The following SLCO6A1 variants were observed in gnomAD, a reference collection of about 807,000 sequenced individuals.
The protein encoded by SLCO6A1 is solute carrier organic anion transporter family member 6A1, also known as cancer/testis antigen 48.
SLCO6A1 carries 65 observed loss-of-function variants against 72.7 expected under a neutral mutation model. The observed-to-expected ratio is 0.89, with a 90% confidence interval of 0.73 to 1.10. SLCO6A1 has a LOEUF of 1.10. Ranked by LOEUF, SLCO6A1 falls within the 50% of genes least tolerant of loss-of-function variation. The pLI is 0.00. For missense variants in SLCO6A1, 874 were observed against 872.6 expected (o/e 1.00, Z -0.02); for synonymous variants, 314 against 298.2 (o/e 1.05, Z -0.55).
At chr5:102,383,104 A>ATATATATATATATATATATAGTGTTT (rs1746216203) in intron 12 of SLCO6A1, among the ~76,000 whole-genome samples, 1 of 141,116 alleles carries the variant, frequency 7.1e-6, no homozygotes, top group African/African-American at 2.9e-5. Flanking sequence ...GAATATATAT[A>ATATATATATATATATATATAGTGTTT]TATATAGTGT....
intron 6 of SLCO6A1, among the ~76,000 whole-genome samples, chr5:102,441,644 A>G (rs1478156175): frequency 2.0e-5 from 3 of 152,218 alleles, no homozygotes; most frequent in Admixed American, 6.5e-5. Context: ...TTAAGAAAAA[A>G]CTAACATACA....
intron 4 of SLCO6A1, among the ~76,000 whole-genome samples, chr5:102,469,053 C>G (rs374839391): frequency 3.3e-5 from 5 of 151,740 alleles, no homozygotes; most frequent in Non-Finnish European, 7.4e-5. Context: ...TGCTGTTTTG[C>G]TTACTGTAGC....
In SLCO6A1 at chr5:102,458,507, TA is replaced by T. The variant is rs746868125; in HGVS notation, c.1022-17del. ...CGTGTTGAACCTATATATAAACAAG[TA>T]AAAAAACTTATGACATATTCAAATA... On this transcript the variant is annotated splice_polypyrimidine_tract_variant and intron_variant, in intron 5 of 13. Transcript: ENST00000506729. 1.9e-6 allele frequency: 3 copies of T among 1,564,862 alleles called. No individual in the cohort carries two copies. Among genetic ancestry groups the T allele is most frequent in the South Asian group, 2.3e-5 (2 of 87,030 alleles).
intron 7 of SLCO6A1, among the ~76,000 whole-genome samples, chr5:102,420,389 C>T (rs1748528914): frequency 6.6e-6 from 1 of 152,104 alleles, no homozygotes; most frequent in African/African-American, 2.4e-5. Context: ...TCACAAGAGA[C>T]AGGATTATAC....
intron 4 of SLCO6A1, among the ~76,000 whole-genome samples, chr5:102,467,305 G>A (rs898535538): frequency 6.6e-6 from 1 of 151,984 alleles, no homozygotes; most frequent in African/African-American, 2.4e-5. Flanking sequence ...TGTAGTCCTA[G>A]CTACTCCAGA....
intron 12 of SLCO6A1, among the ~76,000 whole-genome samples, chr5:102,379,773 CAA>C (rs10672287): frequency 0.038 from 5,428 of 141,010 alleles, 134 homozygotes; most frequent in East Asian, 0.089. Context: ...TTGTCAATTT[CAA>C]AAAAAAAAAA....
chr5:102,373,681 TAA>T (rs1451732800), intron 12 of SLCO6A1, among the ~76,000 whole-genome samples, 187 bp from the exon 13 acceptor site: 28 of 92,006 alleles, frequency 3.0e-4, no homozygotes. Context: ...TAAATGTTTA[TAA>T]TATGTTTTAG....
intron 11 of SLCO6A1, among the ~76,000 whole-genome samples, chr5:102,389,661 C>A (rs977243274): frequency 2.0e-5 from 3 of 151,882 alleles, no homozygotes; most frequent in Non-Finnish European, 4.4e-5. Context: ...AAACAATTGA[C>A]TACTATTCAT....
At chr5:102,388,063 A>C (rs1354960774) in intron 12 of SLCO6A1, among the ~76,000 whole-genome samples, 1 of 151,582 alleles carries the variant, frequency 6.6e-6, no homozygotes, top group Non-Finnish European at 1.5e-5. Context: ...GTGTAGATTT[A>C]ACTGAAATAA....
intron 4 of SLCO6A1, among the ~76,000 whole-genome samples, chr5:102,468,883 AC>A (rs1751447462): frequency 6.6e-6 from 1 of 152,008 alleles, no homozygotes; most frequent in Admixed American, 6.6e-5. Flanking sequence ...CATATTGCTA[AC>A]CAGTTTTCCC....
chr5:102,451,156 C>A (rs577311821), intron 6 of SLCO6A1, among the ~76,000 whole-genome samples: 1 of 152,296 alleles, frequency 6.6e-6, no homozygotes, highest in South Asian at 2.1e-4. Context: ...GTGCAGGAGG[C>A]CTGCAATAGT....
At chr5:102,480,865 C>T (rs1413550540) in intron 1 of SLCO6A1, among the ~76,000 whole-genome samples, 1 of 152,134 alleles carries the variant, frequency 6.6e-6, no homozygotes, top group African/African-American at 2.4e-5. Context: ...TGTCTCCCTC[C>T]CCTCCATAAT....
intron 1 of SLCO6A1, among the ~76,000 whole-genome samples, chr5:102,483,226 A>G (rs912507334): frequency 6.6e-6 from 1 of 152,204 alleles, no homozygotes; most frequent in African/African-American, 2.4e-5. Flanking sequence ...GGAGAGACTC[A>G]CCACTTACAC....
chr5:102,407,599 G>T (rs930699692), intron 9 of SLCO6A1, among the ~76,000 whole-genome samples: 1 of 152,134 alleles, frequency 6.6e-6, no homozygotes, highest in Non-Finnish European at 1.5e-5. Flanking sequence ...AGGCTATCTT[G>T]GATAAACCTC....
chr5:102,433,876 T>C (rs1231520897), intron 7 of SLCO6A1, among the ~76,000 whole-genome samples: 2 of 152,066 alleles, frequency 1.3e-5, no homozygotes, highest in Admixed American at 1.3e-4. Context: ...ATTCCAGCTT[T>C]TTGAGTTGTC....
intron 2 of SLCO6A1, 81 bp from the exon 3 acceptor site, chr5:102,477,942 T>C: frequency 4.5e-6 from 6 of 1,344,380 alleles, no homozygotes; most frequent in Non-Finnish European, 6.1e-6. Context: ...ATCAAATATT[T>C]TACAAGCTAT....
At position 102,420,033 on chromosome 5, in the gene SLCO6A1, G is replaced by C. The variant is rs573166384; in HGVS notation, c.1277-12C>G. 23 of 1,556,270 alleles carry C rather than the reference G, an allele frequency of 1.5e-5. 1 individual carries two copies. The South Asian group carries it at 2.7e-4, about 18-fold the overall frequency. ...AATTAAAACAAGTCCTAAAAAAAAG[G>C]AGGAGAAAAACACAGTTAAAAATAA... On this transcript the variant is annotated splice_polypyrimidine_tract_variant and intron_variant, in intron 7 of 13. Coordinates refer to ENST00000506729, the MANE Select transcript of SLCO6A1 (RefSeq NM_173488.5).
intron 7 of SLCO6A1, among the ~76,000 whole-genome samples, chr5:102,426,944 A>G (rs1163801937): frequency 7.2e-6 from 1 of 138,068 alleles, no homozygotes; most frequent in East Asian, 2.0e-4. Context: ...AGCCATAAAG[A>G]AGATTGAGTT....
intron 1 of SLCO6A1, among the ~76,000 whole-genome samples, chr5:102,491,344 C>G (rs1561504316): frequency 6.6e-6 from 1 of 152,272 alleles, no homozygotes; most frequent in Non-Finnish European, 1.5e-5. Context: ...GGATCCCCTA[C>G]CGGGGCCGCA....
Sources: allele counts gnomAD v4.1 joint callset (sites outside exome capture counted in the v4.1 genomes callset), GRCh38; gene constraint gnomAD v4.1.1; transcripts MANE v1.5; gene names NCBI Gene and HGNC (gene_info 2026-07-23, HGNC 2026-07-21).